ANAPC1: variants seen among roughly 807,000 people sequenced by gnomAD.
The protein encoded by ANAPC1 is anaphase-promoting complex subunit 1.
A neutral mutation model predicts 208.0 loss-of-function variants in ANAPC1; 36 were observed. The observed-to-expected ratio is 0.17, with a 90% CI of 0.13 to 0.23. The LOEUF (loss-of-function observed/expected upper bound fraction) is 0.23. Among genes scored for constraint, ANAPC1 ranks in the 10% least tolerant of loss-of-function variants. The probability of loss-of-function intolerance (pLI) is 1.00; values close to 1 mark genes in which losing one functional copy is unlikely to be tolerated. For missense variants in ANAPC1, 942 were observed against 2,011.6 expected (o/e 0.47, Z 10.17); for synonymous variants, 378 against 695.2 (o/e 0.54, Z 7.18).
chr2:111,843,681 TCTA>T, intron 16 of ANAPC1, 82 bp from the exon 17 acceptor site: 2 of 1,260,074 alleles, frequency 1.6e-6, no homozygotes, highest in Non-Finnish European at 2.2e-6. Context: ...TTTTTTAACT[TCTA>T]CTATGTAAAG....
At position 111,856,677 on chromosome 2, in the gene ANAPC1, T is replaced by A. The variant is rs146218010; in HGVS notation, c.1452A>T (p.Lys484Asn). 278 of 1,613,794 alleles carry A rather than the reference T, an allele frequency of 1.7e-4. No homozygotes were observed. The African/African-American group carries it at 3.5e-3, about 20-fold the overall frequency. Residue 484 changes from lysine to asparagine, a missense_variant and splice_region_variant, in exon 13 of 48, where the codon AAA (lysine) becomes AAT (asparagine). Physicochemically the swap from Lys to Asn is moderately conservative, Grantham distance 94. Coordinates refer to ENST00000341068, the MANE Select transcript of ANAPC1 (RefSeq NM_022662.4). ...CTTCCAAGACCAGCATGGTGTCTAT[T>A]TTCTAAAAAAACAAAAAAGACAAAA... ...IPAKDAAPVE[K>N]IDTMLVLEGS...
chr2:111,791,149 G>C (rs1204515298), intron 38 of ANAPC1, among the ~76,000 whole-genome samples: 1 of 151,830 alleles, frequency 6.6e-6, no homozygotes, highest in Non-Finnish European at 1.5e-5. Flanking sequence ...AGGTTTTGCA[G>C]TTGGCTATTA....
intron 47 of ANAPC1, among the ~76,000 whole-genome samples, chr2:111,770,676 A>G (rs1476899003): frequency 5.0e-5 from 7 of 139,078 alleles, no homozygotes; most frequent in Admixed American, 1.4e-4. Flanking sequence ...CTTCCAGCAG[A>G]TAAGTGTCTT....
At chr2:111,836,565 T>C (rs1227673662) in intron 18 of ANAPC1, among the ~76,000 whole-genome samples, 1 of 151,328 alleles carries the variant, frequency 6.6e-6, no homozygotes, top group Non-Finnish European at 1.5e-5. Context: ...GAGGATGGCT[T>C]GAGCCTAGGA....
intron 6 of ANAPC1, among the ~76,000 whole-genome samples, chr2:111,872,408 T>G (rs1380320224): frequency 6.6e-6 from 1 of 152,196 alleles, no homozygotes; most frequent in Non-Finnish European, 1.5e-5. Flanking sequence ...AATAAGCATT[T>G]CCTTTGAGTG....
At chr2:111,838,037 A>T (rs1458026340) in intron 18 of ANAPC1, among the ~76,000 whole-genome samples, 1 of 148,308 alleles carries the variant, frequency 6.7e-6, no homozygotes, top group Non-Finnish European at 1.5e-5. Flanking sequence ...GTGAGCTCAG[A>T]TCCTGCCACT....
At chr2:111,792,193 A>T (rs1383573330) in intron 38 of ANAPC1, among the ~76,000 whole-genome samples, 169 bp downstream of exon 38, 1 of 148,716 alleles carries the variant, frequency 6.7e-6, no homozygotes, top group Non-Finnish European at 1.5e-5. Context: ...GTAGACCATA[A>T]GTTGACGGTT....
intron 1 of ANAPC1, among the ~76,000 whole-genome samples, chr2:111,882,650 T>C (rs1237536848): frequency 6.7e-6 from 1 of 149,478 alleles, no homozygotes; most frequent in Non-Finnish European, 1.5e-5. Context: ...GGCAAGAGAA[T>C]CGCTTCAACC....
At chr2:111,856,129 G>C (rs1681703354) in intron 13 of ANAPC1, among the ~76,000 whole-genome samples, 1 of 152,154 alleles carries the variant, frequency 6.6e-6, no homozygotes, top group African/African-American at 2.4e-5. Context: ...CAGCTACTCG[G>C]GAGGCTGAGG....
At chr2:111,855,063 T>C (rs1321870020) in intron 13 of ANAPC1, among the ~76,000 whole-genome samples, 3 of 152,182 alleles carry the variant, frequency 2.0e-5, no homozygotes, top group African/African-American at 7.2e-5. Flanking sequence ...TTCCCTTCAT[T>C]TGAAAACTTA....
At chr2:111,796,349 G>C (rs1438592385) in intron 34 of ANAPC1, among the ~76,000 whole-genome samples, 2 of 145,864 alleles carry the variant, frequency 1.4e-5, no homozygotes, top group Non-Finnish European at 3.0e-5. Flanking sequence ...TTTTTGCCTT[G>C]AGACAGGGTC....
In ANAPC1 at chr2:111,873,410, T is replaced by C. The variant is rs1682863909; in HGVS notation, c.428-2A>G. The C allele has an allele frequency of 6.2e-7, 1 of 1,600,700 alleles. No homozygotes were observed. Among genetic ancestry groups the C allele is most frequent in the Non-Finnish European group, 8.5e-7 (1 of 1,175,666 alleles). On this transcript the variant is annotated splice_acceptor_variant, in intron 4 of 47. Transcript: ENST00000341068. LOFTEE classifies it high-confidence loss of function. ...TGCATTTTTCTACTTCATTGCTACC[T>C]GAAAAGAAAGGGTACAACAAGACTT...
intron 37 of ANAPC1, among the ~76,000 whole-genome samples, chr2:111,792,977 C>A (rs1159639974): frequency 3.9e-5 from 6 of 152,070 alleles, no homozygotes; most frequent in African/African-American, 1.4e-4. Flanking sequence ...TCTGTAAATA[C>A]AAATATTTTC....
In ANAPC1 at chr2:111,847,815, A is replaced by G; in HGVS notation, c.1701T>C (p.His567=). The G allele has an allele frequency of 6.2e-7, 1 of 1,602,890 alleles. No individual in the cohort carries two copies. Among genetic ancestry groups the G allele is most frequent in the Admixed American group, 1.7e-5 (1 of 57,412 alleles). ...TACAATCCTCATTATAGAGAGAATC[A>G]TGAAGTTTTGAAGAATCCCTCAGTT... is the stretch of plus-strand genomic sequence containing the variant. ...VPELRDSSKL[H]DSLYNEDCTF... is the part of the protein sequence containing the mutation. Residue 567 remains histidine, a synonymous_variant, in exon 15 of 48, where the codon CAT becomes CAC. Coordinates refer to ENST00000341068, the MANE Select transcript of ANAPC1 (RefSeq NM_022662.4).
At chr2:111,865,583 C>T (rs183164089) in intron 7 of ANAPC1, among the ~76,000 whole-genome samples, 17 of 152,050 alleles carry the variant, frequency 1.1e-4, no homozygotes, top group African/African-American at 4.1e-4. Flanking sequence ...AAAATCATGC[C>T]ACCATCTCAA....
At chr2:111,866,781 AT>A (rs1682445263) in intron 7 of ANAPC1, among the ~76,000 whole-genome samples, 1 of 151,648 alleles carries the variant, frequency 6.6e-6, no homozygotes, top group Admixed American at 6.6e-5. Flanking sequence ...CAGAGAAAAA[AT>A]AAAATGGAAA....
intron 10 of ANAPC1, among the ~76,000 whole-genome samples, chr2:111,858,680 T>G (rs138641527): frequency 0.12 from 17,904 of 149,198 alleles, 1,356 homozygotes; most frequent in Non-Finnish European, 0.16. Context: ...GAGAATGGCA[T>G]GAACCCAGGA....
At chr2:111,766,968 G>A (rs1676487062), downstream of ANAPC1, 1 of 470,700 alleles carries the variant, frequency 2.1e-6, no homozygotes, top group Non-Finnish European at 4.4e-6. Context: ...GTTTCAACCT[G>A]AGTCTCCTGC....
rs1680265628 is a variant in ANAPC1 at position 111,833,324 on chromosome 2, G to A, written c.2385-13C>T. The A allele has an allele frequency of 6.4e-7, 1 of 1,566,966 alleles. No homozygotes were observed. Among genetic ancestry groups the A allele is most frequent in the South Asian group, 1.2e-5 (1 of 83,718 alleles). ...CAATTTTAAGTCCCTAAAACAGTAA[G>A]GGCATGTAAAAAAGAAGGTATTACA... On this transcript the variant is annotated splice_polypyrimidine_tract_variant and intron_variant, in intron 19 of 47. Transcript: ENST00000341068.
Sources: gnomAD v4.1 joint callset for allele counts (sites outside exome capture counted in the v4.1 genomes callset) on GRCh38, gnomAD v4.1.1 for gene constraint, MANE v1.5 for transcripts, NCBI Gene and HGNC (gene_info 2026-07-23, HGNC 2026-07-21) for gene names.